TCOF1: variants seen among roughly 807,000 people sequenced by gnomAD.
TCOF1 encodes treacle protein.
Under a neutral mutation model 149.0 loss-of-function variants are expected in TCOF1, and 33 were observed. The observed-to-expected ratio is 0.22, with a 90% CI of 0.17 to 0.30. The LOEUF is 0.30. Among genes scored for constraint, TCOF1 ranks in the 10% least tolerant of loss-of-function variants. The pLI is 1.00. For missense variants in TCOF1, 1,728 were observed against 1,840.7 expected, an observed-to-expected ratio of 0.94 and a Z score of 1.12; for synonymous variants, 789 against 738.8, an observed-to-expected ratio of 1.07 and a Z score of -1.10.
chr5:150,370,459 G>A (rs1017965178), intron 6 of TCOF1, among the ~76,000 whole-genome samples: 4 of 152,308 alleles, frequency 2.6e-5, no homozygotes, highest in East Asian at 1.9e-4. Flanking sequence ...GGGTTCAAGC[G>A]ATTGTCGTGC....
At position 150,368,959 on chromosome 5, in the gene TCOF1, G is replaced by C. The variant is rs149016823; in HGVS notation, c.565+57G>C. The C allele has an allele frequency of 2.7e-4, 427 of 1,592,484 alleles. 2 individuals are homozygous for C. In the African/African-American group the frequency reaches 5.2e-3, roughly 19 times the overall value. On this transcript the variant is annotated intron_variant, in intron 5 of 26. Coordinates refer to ENST00000643257, the MANE Select transcript of TCOF1 (RefSeq NM_001371623.1). ...CCCAGAACTTGGGCTGGTGAGGCAG[G>C]CCTAGGCATTGCTTTAAGTTCTGGG...
In TCOF1 at chr5:150,398,379, AAAGAAG is replaced by A. The variant is rs151344581; in HGVS notation, c.4377_4382del (p.Lys1460_Lys1461del). ...GAAAAAAAGACAAAGAAAAAAAAGA[AAAGAAG>A]AAGAAAGCAAAAAAGGCCTCAACCA... On this transcript the variant is annotated inframe_deletion, in exon 25 of 27. Transcript: ENST00000643257. The A allele has an allele frequency of 4.3e-6, 7 of 1,613,648 alleles. No individual in the cohort carries two copies. Among genetic ancestry groups the A allele is most frequent in the Non-Finnish European group, 5.9e-6 (7 of 1,179,914 alleles).
chr5:150,384,308 T>C, intron 17 of TCOF1: 1 of 987,608 alleles, frequency 1.0e-6, no homozygotes, highest in Non-Finnish European at 1.2e-6. Context: ...AACAGCCCTA[T>C]GAGGGTGGCT....
At chr5:150,395,504 G>A (rs902441766) in intron 23 of TCOF1, among the ~76,000 whole-genome samples, 2 of 151,662 alleles carry the variant, frequency 1.3e-5, no homozygotes, top group African/African-American at 4.8e-5. Flanking sequence ...GAGGCGGTGC[G>A]ACAAGGAGAC....
At chr5:150,375,688 C>T in intron 11 of TCOF1, 33 bp from the exon 12 acceptor site, 2 of 1,614,032 alleles carry the variant, frequency 1.2e-6, no homozygotes, top group Non-Finnish European at 1.7e-6. Context: ...CTACCCTGGG[C>T]TCCCTCTCCC....
At chr5:150,368,129 G>T in intron 4 of TCOF1, 2 of 559,482 alleles carry the variant, frequency 3.6e-6, no homozygotes, top group East Asian at 3.1e-5. Context: ...GCCTGCTGCA[G>T]TGGGCCACTG....
At position 150,396,381 on chromosome 5, in the gene TCOF1, ACATCAC is replaced by A; in HGVS notation, c.3886_3891del (p.Ile1296_Thr1297del). The A allele has an allele frequency of 6.2e-7, 1 of 1,614,022 alleles. No individual in the cohort carries two copies. The highest frequency in any genetic ancestry group is 1.3e-5 in the African/African-American group (1 of 75,078). Reference sequence around the variant, plus strand: ...GCCTCAACCCTGGCGCTGCAAAGCAACATCACCCAGTGCCTCCTGGGCCAACCCTGG... The same window carrying A: ...GCCTCAACCCTGGCGCTGCAAAGCAACCAGTGCCTCCTGGGCCAACCCTGG... On this transcript the variant is annotated inframe_deletion, in exon 24 of 27. Transcript: ENST00000643257.
chr5:150,373,005 A>G (rs974412502), intron 7 of TCOF1, among the ~76,000 whole-genome samples: 1 of 152,174 alleles, frequency 6.6e-6, no homozygotes, highest in Admixed American at 6.5e-5. Context: ...GGGAACTTCT[A>G]CGCCTCGGCT....
chr5:150,366,332 C>T (rs369330472), intron 3 of TCOF1, among the ~76,000 whole-genome samples: 3 of 152,210 alleles, frequency 2.0e-5, no homozygotes, highest in East Asian at 1.9e-4. Context: ...GCCTGGGCAG[C>T]AGAGCAAGAC....
At position 150,392,634 on chromosome 5, in the gene TCOF1, C is replaced by G. The variant is rs1447417544; in HGVS notation, c.3518-71C>G. 9.9e-6 allele frequency: 15 copies of G among 1,519,756 alleles called. No homozygotes were observed. In the East Asian group the frequency reaches 3.4e-4, roughly 35 times the overall value. The allele number at this position is 1,519,756 out of a possible 1,614,324, so 94.1% of individuals were successfully genotyped here. On this transcript the variant is annotated intron_variant, in intron 21 of 26. Coordinates refer to ENST00000643257, the MANE Select transcript of TCOF1 (RefSeq NM_001371623.1). Reference sequence around the variant, plus strand: ...GACCTGCAGAGAGACCAGGGCCTTCCTGAAGGGCTCTGCCCTTCCCGGCTG... The same window carrying G: ...GACCTGCAGAGAGACCAGGGCCTTCGTGAAGGGCTCTGCCCTTCCCGGCTG...
chr5:150,395,467 C>T (rs1768272343), intron 23 of TCOF1, among the ~76,000 whole-genome samples: 1 of 152,062 alleles, frequency 6.6e-6, no homozygotes, highest in Non-Finnish European at 1.5e-5. Flanking sequence ...AATTGCTGCT[C>T]ACTTTCTTCC....
At position 150,396,615 on chromosome 5, in the gene TCOF1, G is replaced by A; in HGVS notation, c.4118G>A (p.Gly1373Asp). The change falls in exon 24 of 27, where the codon GGT becomes GAT. Residue 1373 changes from glycine (G) to aspartate (D), a missense_variant. This residue lies in a region of TCOF1 where 1,696 missense variants were observed against 1,765.4 expected (regional missense o/e 0.96). Coordinates refer to ENST00000643257, the MANE Select transcript of TCOF1 (RefSeq NM_001371623.1). ...AAGAAGAAGCTGGGGGCCGGGGAAG[G>A]TGGGGAGGCCTCTGTTTCCCCAGAA... ...KKKKKLGAGE[G>D]GEASVSPEKT... is the part of the protein sequence containing the mutation. The A allele has an allele frequency of 6.3e-7, 1 of 1,592,906 alleles. No individual in the cohort carries two copies. Among genetic ancestry groups the A allele is most frequent in the South Asian group, 1.1e-5 (1 of 88,772 alleles).
intron 17 of TCOF1, chr5:150,383,189 C>T: frequency 1.3e-6 from 2 of 1,530,528 alleles, no homozygotes; most frequent in Non-Finnish European, 8.7e-7. Flanking sequence ...CATGCCTTCT[C>T]TCTGCAGATG....
At position 150,387,916 on chromosome 5, in the gene TCOF1, T is replaced by G; in HGVS notation, c.2874T>G (p.Pro958=). ...TGTTTTTCAAGGTGATTAAACCCCC[T>G]CTGATTTTTGTCGACCCTAATCGTA... ...AVTSAQVIKP[P]LIFVDPNRSP... Residue 958 remains proline, a synonymous_variant, in exon 18 of 27, where the codon CCT becomes CCG. Coordinates refer to ENST00000643257, the MANE Select transcript of TCOF1 (RefSeq NM_001371623.1). 6.2e-7 allele frequency: 1 copy of G among 1,613,990 alleles called. No individual in the cohort carries two copies. Among genetic ancestry groups the G allele is most frequent in the South Asian group, 1.1e-5 (1 of 91,078 alleles).
intron 19 of TCOF1, among the ~76,000 whole-genome samples, chr5:150,390,301 G>A (rs1767147438): frequency 6.6e-6 from 1 of 152,168 alleles, no homozygotes. Flanking sequence ...TGGGGCTTTT[G>A]ATTTTTTTTC....
intron 22 of TCOF1, chr5:150,393,087 T>A: frequency 5.1e-6 from 3 of 589,636 alleles, no homozygotes; most frequent in Non-Finnish European, 9.0e-6. Context: ...ATTTTAAGGT[T>A]ACTATCTGTA....
chr5:150,393,227 C>A, intron 22 of TCOF1, 145 bp from the exon 23 acceptor site: 1 of 932,796 alleles, frequency 1.1e-6, no homozygotes, highest in Non-Finnish European at 1.7e-6. Context: ...CTGCTCTGTG[C>A]CTTGTTGTCC....
rs192934757 is a variant in TCOF1 at position 150,363,844 on chromosome 5, C to T, written c.165-269C>T. Among the ~76,000 whole-genome samples, 270 of 152,324 alleles carry T rather than the reference C, an allele frequency of 1.8e-3. 1 individual carries two copies. The highest frequency in any genetic ancestry group is 6.2e-3 in the African/African-American group (257 of 41,566). On this transcript the variant is annotated intron_variant, in intron 2 of 26. Coordinates refer to ENST00000643257, the MANE Select transcript of TCOF1 (RefSeq NM_001371623.1). Reference sequence around the variant, plus strand: ...TGCCTGCATGGGTCAGCTCCTATCACTTAAAGACTGGTAGCTGCTGCAGCT... The same window carrying T: ...TGCCTGCATGGGTCAGCTCCTATCATTTAAAGACTGGTAGCTGCTGCAGCT...
intron 7 of TCOF1, among the ~76,000 whole-genome samples, chr5:150,373,789 C>T (rs115219431): frequency 1.3e-5 from 2 of 152,202 alleles, no homozygotes; most frequent in Admixed American, 6.5e-5. Flanking sequence ...ATGATGCTCC[C>T]GATAAGCCAG....
Sources: allele counts gnomAD v4.1 joint callset (sites outside exome capture counted in the v4.1 genomes callset), GRCh38; gene constraint gnomAD v4.1.1; regional missense constraint gnomAD v4.1.1; transcripts MANE v1.5; gene names NCBI Gene and HGNC (gene_info 2026-07-23, HGNC 2026-07-21).